SMG1: variants seen among roughly 807,000 people sequenced by gnomAD.
SMG1 encodes serine/threonine-protein kinase SMG1.
In SMG1, 22 loss-of-function variants were observed where a neutral mutation model predicts 419.9. The observed-to-expected ratio is 0.05, with a 90% CI of 0.04 to 0.07. The LOEUF (loss-of-function observed/expected upper bound fraction) is 0.07. Ranked by LOEUF, SMG1 falls within the 10% of genes least tolerant of loss-of-function variation. SMG1 has a pLI of 1.00. For missense variants in SMG1, 3,185 were observed against 4,342.0 expected (o/e 0.73, Z 7.49); for synonymous variants, 1,538 against 1,553.5 (o/e 0.99, Z 0.23).
chr16:18,842,256 G>A lies in SMG1; in HGVS notation c.6418C>T (p.Leu2140Phe). 1 of 1,613,924 alleles carries A rather than the reference G, an allele frequency of 6.2e-7. No homozygotes were observed. The highest frequency in any genetic ancestry group is 1.1e-5 in the South Asian group (1 of 91,082). ...ILPTKTKPKK[L>F]LFLGSDGKSY... ...TTCCCATCTGATCCAAGAAAGAGAA[G>A]TTTCTTTGGCTTGGTTTTAGTCGGT... Residue 2140 changes from leucine (L) to phenylalanine (F), a missense_variant, in exon 40 of 63, where the codon CTT (leucine) becomes TTT (phenylalanine). Physicochemically the swap from Leu to Phe is conservative, Grantham distance 22 (BLOSUM62 0). This residue lies in a region of SMG1 where 159 missense variants were observed against 196.0 expected (regional missense o/e 0.81). Transcript: ENST00000446231.
chr16:18,903,224 T>A (rs1395550219), intron 1 of SMG1, among the ~76,000 whole-genome samples: 1 of 152,206 alleles, frequency 6.6e-6, no homozygotes, highest in Non-Finnish European at 1.5e-5. Context: ...ATTCTCTATT[T>A]TCAGACCTCC....
intron 35 of SMG1, 101 bp downstream of exon 35, chr16:18,849,848 T>C: frequency 8.6e-7 from 1 of 1,160,562 alleles, no homozygotes; most frequent in Non-Finnish European, 1.2e-6. Context: ...TGGCTATTCT[T>C]TTTACACATT....
chr16:18,875,897 TA>T (rs1486720749), intron 13 of SMG1: 6 of 551,772 alleles, frequency 1.1e-5, no homozygotes, highest in Admixed American at 7.1e-5. Context: ...AAAACTAATA[TA>T]AAAAAACTTA....
Position 18,887,519 on chromosome 16 carries a change from T to TGTTTTTTTTG in SMG1, c.822+1852_822+1853insCAAAAAAAAC, listed in dbSNP as rs952532719. Among the ~76,000 whole-genome samples, 9 of 128,368 alleles carry TGTTTTTTTTG rather than the reference T, an allele frequency of 7.0e-5. 1 individual carries two copies. Among genetic ancestry groups the TGTTTTTTTTG allele is most frequent in the South Asian group, 2.6e-4 (1 of 3,908 alleles). The allele number at this position is 128,368 out of a possible 152,430, so 84.2% of individuals were successfully genotyped here. A position where few individuals can be genotyped will look rare whatever the true frequency, so the allele number is the denominator to read the frequency against. On this transcript the variant is annotated intron_variant, in intron 6 of 62. Transcript: ENST00000446231. The stretch of plus-strand genomic sequence containing the variant: ...ACGCCCGACTTATTTTTTTTTCCTT[T>TGTTTTTTTTG]TTTTTTTTTTTTTTAATAGAAACAG...
At chr16:18,885,430 T>G (rs1364776484) in intron 7 of SMG1, 111 bp downstream of exon 7, 5 of 1,349,034 alleles carry the variant, frequency 3.7e-6, no homozygotes, top group Non-Finnish European at 5.2e-6. Context: ...CAAATATCAC[T>G]GATTATATTC....
At chr16:18,854,532 A>T (rs554333957) in intron 30 of SMG1, 124 bp downstream of exon 30, 2 of 924,250 alleles carry the variant, frequency 2.2e-6, no homozygotes, top group Non-Finnish European at 3.2e-6. Context: ...CAGGATGCAA[A>T]TGTTCTGCAA....
At chr16:18,875,813 G>GT (rs1567409880) in intron 13 of SMG1, 28 of 430,774 alleles carry the variant, frequency 6.5e-5, no homozygotes, top group Non-Finnish European at 1.2e-5. Context: ...AATTTGAGCT[G>GT]TAAGAAACAC....
At chr16:18,910,355 C>T (rs1010272614) in intron 1 of SMG1, among the ~76,000 whole-genome samples, 19 of 151,938 alleles carry the variant, frequency 1.3e-4, no homozygotes, top group Admixed American at 3.3e-4. Context: ...CTCAGCCTCC[C>T]AAATAGCTGG....
At chr16:18,898,433 T>C (rs1360582643) in intron 1 of SMG1, among the ~76,000 whole-genome samples, 1 of 134,436 alleles carries the variant, frequency 7.4e-6, no homozygotes, top group Non-Finnish European at 1.7e-5. Context: ...ATGAGAATAT[T>C]TTCTGAGTAT....
chr16:18,903,932 G>A (rs867147831), intron 1 of SMG1, among the ~76,000 whole-genome samples: 3 of 100,732 alleles, frequency 3.0e-5, no homozygotes, highest in Non-Finnish European at 6.0e-5. Context: ...GGTATGTCTT[G>A]TCTTTTTTTT....
intron 46 of SMG1, 123 bp from the exon 47 acceptor site, chr16:18,836,655 C>A: frequency 1.1e-6 from 1 of 937,436 alleles, no homozygotes; most frequent in Non-Finnish European, 1.6e-6. Context: ...CTTGAGGGCC[C>A]TCCTCAAATG....
chr16:18,870,354 C>G (rs535936077), intron 18 of SMG1, among the ~76,000 whole-genome samples: 2 of 152,320 alleles, frequency 1.3e-5, no homozygotes, highest in East Asian at 3.9e-4. Flanking sequence ...ATCTGAGCTA[C>G]TAAGAAACAT....
At chr16:18,852,781 C>T (rs889926719) in intron 31 of SMG1, among the ~76,000 whole-genome samples, 5 of 152,156 alleles carry the variant, frequency 3.3e-5, no homozygotes, top group African/African-American at 1.2e-4. Flanking sequence ...CATTATGAAT[C>T]GGACTGGCTA....
chr16:18,833,039 A>G lies in SMG1; in HGVS notation c.8693T>C (p.Val2898Ala), dbSNP rs1389617003. The G allele has an allele frequency of 1.2e-6, 2 of 1,613,960 alleles. No individual in the cohort carries two copies. Among genetic ancestry groups the G allele is most frequent in the Admixed American group, 1.7e-5 (1 of 60,004 alleles). Residue 2898 changes from valine (V) to alanine (A), a missense_variant, in exon 51 of 63, where the codon GTT becomes GCT. This residue lies in a region of SMG1 where 737 missense variants were observed against 846.6 expected (regional missense o/e 0.87). Transcript: ENST00000446231. ...AGATTCCACTAGAGTCTGCAGGGGAACGCCATCGGTGGTCTGCTCAATAAG... is the reference window on the plus strand; with the variant it reads ...AGATTCCACTAGAGTCTGCAGGGGAGCGCCATCGGTGGTCTGCTCAATAAG... ...DGLIEQTTDG[V>A]PLQTLVESLQ...
Position 18,830,262 on chromosome 16 carries a change from A to G in SMG1, c.8900T>C (p.Met2967Thr). The G allele has an allele frequency of 1.2e-6, 2 of 1,614,000 alleles. No individual in the cohort carries two copies. Among genetic ancestry groups the G allele is most frequent in the Non-Finnish European group, 1.7e-6 (2 of 1,179,872 alleles). ...GAAAGCAGTTTCAACTTGAGCAAAC[A>G]TGCCATCGAATGCTACCAAAAGCAT... ...GQMLLVAFDG[M>T]FAQVETAFSL... The change falls in exon 52 of 63, where the codon ATG (methionine) becomes ACG (threonine). Residue 2967 changes from methionine to threonine, a missense_variant. Physicochemically the swap from Met to Thr is moderately conservative, Grantham distance 81 (BLOSUM62 -1). Around this residue, in one of 27 missense-constraint regions of SMG1, gnomAD observed 737 missense variants for 846.6 expected, o/e 0.87. Coordinates refer to ENST00000446231, the MANE Select transcript of SMG1 (RefSeq NM_015092.5).
At chr16:18,924,140 T>C (rs748003864) in intron 1 of SMG1, among the ~76,000 whole-genome samples, 365 of 151,672 alleles carry the variant, frequency 2.4e-3, no homozygotes, top group Non-Finnish European at 4.1e-3. Context: ...AGAAACCTTG[T>C]AAGCTTTCTT....
chr16:18,913,477 T>A (rs2037861866), intron 1 of SMG1, among the ~76,000 whole-genome samples: 2 of 151,888 alleles, frequency 1.3e-5, no homozygotes, highest in South Asian at 4.1e-4. Flanking sequence ...AAACTTTAAA[T>A]TCAAAGAGCT....
At chr16:18,925,801 C>A (rs1019382851) in intron 1 of SMG1, 149 bp downstream of exon 1, 4 of 538,876 alleles carry the variant, frequency 7.4e-6, no homozygotes, top group African/African-American at 2.0e-5. Flanking sequence ...CTTCCTCCCC[C>A]AGCCGGGGCG....
intron 60 of SMG1, among the ~76,000 whole-genome samples, chr16:18,814,505 T>A (rs2031801350): frequency 6.6e-6 from 1 of 151,930 alleles, no homozygotes; most frequent in Non-Finnish European, 1.5e-5. Flanking sequence ...AGACTCCGCC[T>A]CAAACAAAAA....
Sources: allele counts gnomAD v4.1 joint callset (sites outside exome capture counted in the v4.1 genomes callset), GRCh38; gene constraint gnomAD v4.1.1; regional missense constraint gnomAD v4.1.1; transcripts MANE v1.5; gene names NCBI Gene and HGNC (gene_info 2026-07-23, HGNC 2026-07-21).